The following WWOX variants were observed in gnomAD, a reference collection of about 807,000 sequenced individuals.
The protein encoded by WWOX is WW domain-containing oxidoreductase.
WWOX carries 69 observed loss-of-function variants against 46.2 expected under a neutral mutation model. The observed-to-expected ratio is 1.49, with a 90% CI of 1.23 to 1.82. The LOEUF is 1.82. WWOX is among the 40% of genes most tolerant of loss of function. The pLI, the probability that WWOX is intolerant of heterozygous loss-of-function variation, is 0.00. For synonymous variants in WWOX, 359 were observed against 202.6 expected, an observed-to-expected ratio of 1.77 and a Z score of -6.56; for missense variants, 919 against 542.6, an observed-to-expected ratio of 1.69 and a Z score of -6.89.
chr16:78,919,664 C>T (rs759897326), intron 8 of WWOX, among the ~76,000 whole-genome samples: 30 of 151,936 alleles, frequency 2.0e-4, no homozygotes, highest in Middle Eastern at 3.4e-3. Context: ...ATTACAGGCA[C>T]ACACCACCAC....
chr16:79,025,127 T>TTGTTG (rs61551046), intron 8 of WWOX, among the ~76,000 whole-genome samples: 2 of 151,722 alleles, frequency 1.3e-5, no homozygotes, highest in African/African-American at 2.4e-5. Flanking sequence ...TTGTTTTGTT[T>TTGTTG]TGTTTTGTTT....
chr16:78,741,420 C>A (rs149986019), intron 8 of WWOX, among the ~76,000 whole-genome samples: 1 of 151,964 alleles, frequency 6.6e-6, no homozygotes, highest in African/African-American at 2.4e-5. Context: ...AAATAGCTGG[C>A]GTGGTGGCGC....
At chr16:78,820,602 A>G (rs188612112) in intron 8 of WWOX, among the ~76,000 whole-genome samples, 4 of 151,958 alleles carry the variant, frequency 2.6e-5, no homozygotes, top group African/African-American at 9.7e-5. Flanking sequence ...TATAATGACA[A>G]CCTTGGTGAA....
chr16:78,419,014 T>A (rs919892389), intron 6 of WWOX, among the ~76,000 whole-genome samples: 3 of 152,200 alleles, frequency 2.0e-5, no homozygotes, highest in African/African-American at 7.2e-5. Context: ...AAAACTATCT[T>A]TATTTGCAAA....
intron 8 of WWOX, among the ~76,000 whole-genome samples, chr16:79,050,708 G>T (rs980548355): frequency 5.3e-5 from 8 of 152,138 alleles, no homozygotes; most frequent in Admixed American, 6.5e-5. Context: ...TCAATCTGGC[G>T]AAATGAATGG....
chr16:78,644,662 C>T (rs2046798483), intron 8 of WWOX, among the ~76,000 whole-genome samples: 1 of 152,140 alleles, frequency 6.6e-6, no homozygotes, highest in Non-Finnish European at 1.5e-5. Flanking sequence ...GGGGTTGCAC[C>T]ATGTTTACCA....
At chr16:78,293,324 T>C (rs975144506) in intron 5 of WWOX, among the ~76,000 whole-genome samples, 2 of 152,160 alleles carry the variant, frequency 1.3e-5, no homozygotes, top group Admixed American at 6.5e-5. Flanking sequence ...GCATTAAGGG[T>C]TGATTATCTT....
intron 6 of WWOX, among the ~76,000 whole-genome samples, chr16:78,390,765 CA>C (rs1163734429): frequency 2.0e-5 from 3 of 152,180 alleles, no homozygotes; most frequent in African/African-American, 7.2e-5. Context: ...CCCCCATCTT[CA>C]GACATTAAAA....
At chr16:78,327,061 C>A (rs1025426050) in intron 5 of WWOX, among the ~76,000 whole-genome samples, 1 of 152,112 alleles carries the variant, frequency 6.6e-6, no homozygotes, top group African/African-American at 2.4e-5. Flanking sequence ...CTGGGCACTG[C>A]CCCCCAGGAG....
At chr16:79,086,776 A>G (rs2048861521) in intron 8 of WWOX, among the ~76,000 whole-genome samples, 1 of 152,210 alleles carries the variant, frequency 6.6e-6, no homozygotes, top group South Asian at 2.1e-4. Context: ...CTAGCTATGT[A>G]GGAGGCTAAG....
intron 8 of WWOX, among the ~76,000 whole-genome samples, chr16:78,843,913 G>C (rs140324478): frequency 1.2e-4 from 18 of 152,002 alleles, no homozygotes; most frequent in Non-Finnish European, 2.5e-4. Flanking sequence ...CTGTCCACTC[G>C]GTTCCTAATG....
chr16:78,458,111 G>C (rs1041174649), intron 8 of WWOX, among the ~76,000 whole-genome samples: 1 of 151,906 alleles, frequency 6.6e-6, no homozygotes, highest in Non-Finnish European at 1.5e-5. Context: ...TCATCCTGGA[G>C]TTCGTATCCC....
chr16:79,166,549 C>G (rs1220854702), intron 8 of WWOX, among the ~76,000 whole-genome samples: 1 of 152,144 alleles, frequency 6.6e-6, no homozygotes, highest in African/African-American at 2.4e-5. Context: ...CCTAACAGCA[C>G]AATTGTTAGG....
At chr16:78,767,192 C>T (rs1567546126) in intron 8 of WWOX, among the ~76,000 whole-genome samples, 1 of 151,854 alleles carries the variant, frequency 6.6e-6, no homozygotes. Context: ...ACAATCAAAG[C>T]TCACTGCAGC....
Position 78,675,555 on chromosome 16 carries a change from C to T in WWOX, c.1056+242803C>T, listed in dbSNP as rs78051909. Among the ~76,000 whole-genome samples the T allele has an allele frequency of 1.1e-3, 171 of 152,236 alleles. 2 individuals are homozygous for T. Among genetic ancestry groups the T allele is most frequent in the African/African-American group, 4.0e-3 (165 of 41,550 alleles). On this transcript the variant is annotated intron_variant, in intron 8 of 8. Coordinates refer to ENST00000566780, the MANE Select transcript of WWOX (RefSeq NM_016373.4). ...CAAATATTTATTTTGAGAGCAAGCA[C>T]GGGGGTTTATGTGATGGCTCCACAG...
intron 8 of WWOX, among the ~76,000 whole-genome samples, chr16:78,484,386 A>G (rs1222282444): frequency 1.3e-5 from 2 of 152,110 alleles, no homozygotes; most frequent in African/African-American, 4.8e-5. Flanking sequence ...TTTGCTATTG[A>G]TCCAGCAGCT....
At chr16:78,304,478 GCACACCCATAGTGCTAGGGTGGGT>G (rs1392096287) in intron 5 of WWOX, among the ~76,000 whole-genome samples, 2 of 152,204 alleles carry the variant, frequency 1.3e-5, no homozygotes, top group East Asian at 3.9e-4. Flanking sequence ...GCAAACTCCA[GCACACCCATAGTGCTAGGGTGGGT>G]CTTAGTAAAA....
intron 5 of WWOX, among the ~76,000 whole-genome samples, chr16:78,216,264 C>G (rs181899205): frequency 2.2e-4 from 34 of 152,210 alleles, no homozygotes; most frequent in African/African-American, 7.7e-4. Context: ...TCCCCAGAGC[C>G]TGGCTTAATT....
chr16:78,704,965 A>C (rs930241981), intron 8 of WWOX, among the ~76,000 whole-genome samples: 1 of 150,894 alleles, frequency 6.6e-6, no homozygotes, highest in Non-Finnish European at 1.5e-5. Flanking sequence ...AACCAGCGAC[A>C]GTCTTGGTTT....
Sources: allele counts gnomAD v4.1 joint callset (sites outside exome capture counted in the v4.1 genomes callset), GRCh38; gene constraint gnomAD v4.1.1; transcripts MANE v1.5; gene names NCBI Gene and HGNC (gene_info 2026-07-23, HGNC 2026-07-21).